TEX48: variants seen among roughly 807,000 people sequenced by gnomAD.
The protein encoded by TEX48 is testis-expressed protein 48.
Under a neutral mutation model 13.2 loss-of-function variants are expected in TEX48, and 10 were observed. The ratio of observed to expected loss-of-function variants is 0.75; its 90% CI spans 0.47 to 1.28. The LOEUF is 1.28. Ranked by LOEUF, TEX48 falls within the 50% of genes most tolerant of loss-of-function variation. The pLI, the probability that TEX48 is intolerant of heterozygous loss-of-function variation, is 0.00. For missense variants in TEX48, 116 were observed against 139.4 expected, an observed-to-expected ratio of 0.83 and a Z score of 0.84; for synonymous variants, 45 against 52.3, an observed-to-expected ratio of 0.86 and a Z score of 0.60.
intron 3 of TEX48, among the ~76,000 whole-genome samples, chr9:114,670,255 A>G (rs1463303550): frequency 6.6e-6 from 1 of 152,206 alleles, no homozygotes; most frequent in Non-Finnish European, 1.5e-5. Context: ...GAGTTTCATT[A>G]ATTATCATCA....
intron 1 of TEX48, among the ~76,000 whole-genome samples, chr9:114,675,976 C>A (rs1407489835): frequency 1.3e-5 from 2 of 152,228 alleles, no homozygotes; most frequent in African/African-American, 4.8e-5. Flanking sequence ...TTAGGAGTCC[C>A]TCCCTTGTGC....
intron 1 of TEX48, among the ~76,000 whole-genome samples, chr9:114,673,342 A>T (rs12683400): frequency 0.054 from 8,239 of 151,952 alleles, 445 homozygotes; most frequent in East Asian, 0.21. Flanking sequence ...TGTGTGGCAC[A>T]TGCCTGTAAT....
intron 3 of TEX48, 141 bp from the exon 4 acceptor site, chr9:114,668,478 C>T (rs1827883368): frequency 3.0e-6 from 2 of 670,214 alleles, no homozygotes; most frequent in Admixed American, 4.5e-5. Flanking sequence ...AAACTACCAC[C>T]TCCTGTCCTC....
intron 1 of TEX48, among the ~76,000 whole-genome samples, chr9:114,674,342 G>C (rs183286956): frequency 6.6e-6 from 1 of 151,834 alleles, no homozygotes; most frequent in African/African-American, 2.4e-5. Context: ...TCAACAATTT[G>C]TGCTTGTTTT....
chr9:114,668,155 T>A, intron 4 of TEX48, 51 bp downstream of exon 4: 1 of 1,532,696 alleles, frequency 6.5e-7, no homozygotes, highest in Non-Finnish European at 8.7e-7. Context: ...AGGACCAGGC[T>A]CCCTGTCTGG....
chr9:114,672,240 A>G (rs977058094), intron 1 of TEX48, among the ~76,000 whole-genome samples: 2 of 152,132 alleles, frequency 1.3e-5, no homozygotes, highest in African/African-American at 4.8e-5. Context: ...TTGTAGGTTT[A>G]AATTCTGGTT....
At chr9:114,676,594 T>C (rs1195474018) in intron 1 of TEX48, among the ~76,000 whole-genome samples, 1 of 151,126 alleles carries the variant, frequency 6.6e-6, no homozygotes, top group Non-Finnish European at 1.5e-5. Context: ...CAAATGTCCA[T>C]GGAAGCAGGG....
intron 3 of TEX48, 69 bp downstream of exon 3, chr9:114,671,314 C>A: frequency 1.3e-6 from 2 of 1,505,826 alleles, no homozygotes; most frequent in Admixed American, 2.0e-5. Flanking sequence ...TGGGGGTATC[C>A]CAGCAGGCAG....
intron 1 of TEX48, among the ~76,000 whole-genome samples, chr9:114,672,415 T>C (rs77429341): frequency 0.024 from 3,710 of 152,320 alleles, 64 homozygotes; most frequent in Admixed American, 0.037. Context: ...ATCCCTTTAT[T>C]TGTGTATCAA....
intron 1 of TEX48, among the ~76,000 whole-genome samples, chr9:114,676,288 T>C (rs947378817): frequency 6.6e-6 from 1 of 151,962 alleles, no homozygotes; most frequent in Non-Finnish European, 1.5e-5. Flanking sequence ...CTCAGCCTCC[T>C]GAGTAGCTTG....
chr9:114,666,809 G>T, intron 4 of TEX48, 63 bp from the exon 5 acceptor site: 3 of 835,036 alleles, frequency 3.6e-6, no homozygotes, highest in Non-Finnish European at 5.7e-6. Flanking sequence ...TTGATGAACT[G>T]TTTTGGTTGT....
chr9:114,671,286 A>G lies in TEX48; in HGVS notation c.127+97T>C, dbSNP rs530621418. 4 of 1,360,152 alleles carry G rather than the reference A, an allele frequency of 2.9e-6. No homozygotes were observed. The African/African-American group carries it at 5.8e-5, about 20-fold the overall frequency. The allele number at this position is 1,360,152 out of a possible 1,614,324, so 84.3% of individuals were successfully genotyped here. On this transcript the variant is annotated intron_variant, in intron 3 of 4. Coordinates refer to ENST00000436752, the MANE Select transcript of TEX48 (RefSeq NM_001199233.2). ...TTTAAATTGGAATTATCACTCAGTG[A>G]TAGTGATGAAGGCAGTTTGGGGGTA...
chr9:114,671,689 T>C, intron 2 of TEX48, 31 bp downstream of exon 2: 1 of 1,535,298 alleles, frequency 6.5e-7, no homozygotes, highest in Non-Finnish European at 8.7e-7. Flanking sequence ...GCCTAGGCCA[T>C]TTTTTCCTAT....
At chr9:114,674,326 C>T (rs1828010772) in intron 1 of TEX48, among the ~76,000 whole-genome samples, 1 of 152,110 alleles carries the variant, frequency 6.6e-6, no homozygotes, top group South Asian at 2.1e-4. Flanking sequence ...ACAGCAAGCT[C>T]CCAACTCAAC....
Position 114,676,332 on chromosome 9 carries a change from G to GT in TEX48, c.-104-4506dup, listed in dbSNP as rs1000653451. The stretch of plus-strand genomic sequence containing the variant: ...GCTCGCACTACCATGCCCGGTTATA[G>GT]TTTTTTTGTTTTTGTTTTGGTAGAG... On this transcript the variant is annotated intron_variant, in intron 1 of 4. Transcript: ENST00000436752. Among the ~76,000 whole-genome samples the GT allele has an allele frequency of 5.5e-4, 84 of 151,526 alleles. 1 individual carries two copies. Among genetic ancestry groups the GT allele is most frequent in the Non-Finnish European group, 8.6e-4 (58 of 67,824 alleles).
At position 114,666,731 on chromosome 9, in the gene TEX48, G is replaced by A. The variant is rs2133754344; in HGVS notation, c.275C>T (p.Ala92Val). The A allele has an allele frequency of 1.3e-6, 2 of 1,528,016 alleles. No homozygotes were observed. Among genetic ancestry groups the A allele is most frequent in the East Asian group, 4.9e-5 (2 of 40,862 alleles). The allele number at this position is 1,528,016 out of a possible 1,614,324, so 94.7% of individuals were successfully genotyped here. The change falls in exon 5 of 5, where the codon GCT becomes GTT. Residue 92 changes from alanine to valine, a missense_variant. Physicochemically the swap from Ala to Val is moderately conservative, Grantham distance 64. Transcript: ENST00000436752. ...TCTCTTGTAAAAATTTCTTTGGGAA[G>A]CATATGCATTCAGATCTGAAAGAAG... ...SSEFEDLNAY[A>V]SQRNFYKRNL... is the part of the protein sequence containing the mutation.
chr9:114,677,235 T>TTTTG (rs71492791), intron 1 of TEX48, among the ~76,000 whole-genome samples: 102,895 of 150,600 alleles, frequency 0.68, 36,519 homozygotes, highest in African/African-American at 0.88. Flanking sequence ...GGTGAGGTGT[T>TTTTG]TTTGTTTGTT....
chr9:114,676,079 A>C (rs1828055497), intron 1 of TEX48, among the ~76,000 whole-genome samples: 1 of 152,244 alleles, frequency 6.6e-6, no homozygotes, highest in East Asian at 1.9e-4. Context: ...ATGCTTAATA[A>C]ACACTTGTTG....
chr9:114,678,932 T>A (rs779008840), intron 1 of TEX48, among the ~76,000 whole-genome samples: 1 of 151,550 alleles, frequency 6.6e-6, no homozygotes, highest in Admixed American at 6.6e-5. Flanking sequence ...TCAAATAACC[T>A]ATCTATGCAT....
Sources: gnomAD v4.1 joint callset for allele counts (sites outside exome capture counted in the v4.1 genomes callset) on GRCh38, gnomAD v4.1.1 for gene constraint, MANE v1.5 for transcripts, NCBI Gene and HGNC (gene_info 2026-07-23, HGNC 2026-07-21) for gene names.